RARB: variants seen among roughly 807,000 people sequenced by gnomAD.
The protein encoded by RARB is retinoic acid receptor beta.
Under a neutral mutation model 51.9 loss-of-function variants are expected in RARB, and 17 were observed. The ratio of observed to expected loss-of-function variants is 0.33; its 90% CI spans 0.22 to 0.49. The LOEUF (loss-of-function observed/expected upper bound fraction) is 0.49. RARB is among the 20% of genes least tolerant of loss of function. The pLI, the probability that RARB is intolerant of heterozygous loss-of-function variation, is 0.99. For synonymous variants in RARB, 215 were observed against 195.4 expected (o/e 1.10, Z -0.84); for missense variants, 369 against 550.8 (o/e 0.67, Z 3.30).
chr3:25,410,425 A>G (rs1350515801), intron 5 of RARB, among the ~76,000 whole-genome samples: 1 of 152,234 alleles, frequency 6.6e-6, no homozygotes, highest in East Asian at 1.9e-4. Context: ...TTTTTATCCT[A>G]GAATCACAAC....
chr3:25,405,823 T>G (rs1260275048), intron 5 of RARB, among the ~76,000 whole-genome samples: 1 of 152,134 alleles, frequency 6.6e-6, no homozygotes, highest in African/African-American at 2.4e-5. Context: ...AAGAAAGCAC[T>G]TCTGTTATCT....
chr3:25,383,037 A>G (rs980457292), intron 5 of RARB, among the ~76,000 whole-genome samples: 2 of 152,158 alleles, frequency 1.3e-5, no homozygotes, highest in Non-Finnish European at 2.9e-5. Context: ...TAACAATAGC[A>G]CCTAAGAGCA....
intron 2 of RARB, among the ~76,000 whole-genome samples, chr3:25,042,203 A>G (rs1412616980): frequency 6.6e-6 from 1 of 152,196 alleles, no homozygotes; most frequent in Non-Finnish European, 1.5e-5. Context: ...TGTAAACCGT[A>G]GCTATTTTTA....
At chr3:25,161,467 C>T (rs1477266755) in intron 4 of RARB, among the ~76,000 whole-genome samples, 8 of 152,140 alleles carry the variant, frequency 5.3e-5, no homozygotes, top group Admixed American at 5.2e-4. Context: ...TCTACCATTG[C>T]TGGCTCTGTT....
intron 5 of RARB, among the ~76,000 whole-genome samples, chr3:25,184,119 C>G (rs1236709983): frequency 6.7e-6 from 1 of 149,174 alleles, no homozygotes; most frequent in Non-Finnish European, 1.5e-5. Flanking sequence ...TGAAAATCTA[C>G]AAATACAGAG....
At chr3:25,198,276 A>G (rs1447857120) in intron 5 of RARB, among the ~76,000 whole-genome samples, 2 of 152,064 alleles carry the variant, frequency 1.3e-5, no homozygotes, top group African/African-American at 4.8e-5. Flanking sequence ...ATGATATCAA[A>G]CTGGATTAAA....
At chr3:24,978,456 T>C (rs192961264) in intron 2 of RARB, among the ~76,000 whole-genome samples, 298 of 152,318 alleles carry the variant, frequency 2.0e-3, no homozygotes, top group Non-Finnish European at 3.0e-3. Flanking sequence ...TATTCACAGA[T>C]TCTACTTCTT....
At chr3:25,068,566 T>A (rs1429760585) in intron 3 of RARB, among the ~76,000 whole-genome samples, 1 of 152,196 alleles carries the variant, frequency 6.6e-6, no homozygotes, top group Non-Finnish European at 1.5e-5. Flanking sequence ...AAGAAAAAAT[T>A]AACGGAAGTT....
chr3:24,942,775 T>C (rs1240816392), intron 2 of RARB, among the ~76,000 whole-genome samples: 1 of 152,120 alleles, frequency 6.6e-6, no homozygotes, highest in African/African-American at 2.4e-5. Context: ...GAGAAAGAAC[T>C]CCCCTAAACC....
intron 1 of RARB, among the ~76,000 whole-genome samples, chr3:24,853,063 C>A (rs1702581906): frequency 6.6e-6 from 1 of 151,942 alleles, no homozygotes; most frequent in Non-Finnish European, 1.5e-5. Context: ...GCCTGTAATC[C>A]CAGCACTTTG....
At chr3:24,845,726 T>C (rs1041215833) in intron 1 of RARB, among the ~76,000 whole-genome samples, 2 of 151,920 alleles carry the variant, frequency 1.3e-5, no homozygotes, top group Non-Finnish European at 2.9e-5. Context: ...CCTCCCCCAC[T>C]TGAGAGTCAG....
chr3:24,863,815 C>T lies in RARB; in HGVS notation c.-380+5063C>T, dbSNP rs553219548. On this transcript the variant is annotated intron_variant, in intron 2 of 11. Coordinates refer to the RARB transcript ENST00000383772. ...TAACCTCCTACTTCACTGATAAAATCGAGATTATGAAAATAAGCTGAACTT... is the reference window on the plus strand; with the variant it reads ...TAACCTCCTACTTCACTGATAAAATTGAGATTATGAAAATAAGCTGAACTT... Among the ~76,000 whole-genome samples the T allele has an allele frequency of 4.6e-5, 7 of 151,842 alleles. No individual in the cohort carries two copies. In the South Asian group the frequency reaches 6.2e-4, roughly 14 times the overall value.
Position 25,333,209 on chromosome 3 carries a change from G to C in RARB, c.179-127984G>C, listed in dbSNP as rs533832680. Among the ~76,000 whole-genome samples the C allele has an allele frequency of 2.8e-3, 431 of 152,018 alleles. 1 individual carries two copies. Among genetic ancestry groups the C allele is most frequent in the Middle Eastern group, 6.8e-3 (2 of 294 alleles). ...TTCATATGGAACCAAAAAAGAGCCC[G>C]CATTGCCAAGTCAATCCTAAGCCAA... On this transcript the variant is annotated intron_variant, in intron 5 of 11. Coordinates refer to the RARB transcript ENST00000383772.
chr3:25,257,263 G>T (rs1243484176), intron 5 of RARB, among the ~76,000 whole-genome samples: 1 of 152,012 alleles, frequency 6.6e-6, no homozygotes, highest in Non-Finnish European at 1.5e-5. Flanking sequence ...CTCCATTCCG[G>T]GTACCACATC....
At chr3:25,322,340 A>T (rs944696470) in intron 5 of RARB, among the ~76,000 whole-genome samples, 2 of 152,218 alleles carry the variant, frequency 1.3e-5, no homozygotes, top group Admixed American at 1.3e-4. Context: ...TCTAAAAGAA[A>T]TATGGGTCTA....
intron 2 of RARB, among the ~76,000 whole-genome samples, chr3:24,969,625 A>G (rs2125416618): frequency 6.6e-6 from 1 of 152,246 alleles, no homozygotes; most frequent in South Asian, 2.1e-4. Context: ...TTCTCAATAC[A>G]TCAAATTGCC....
chr3:25,512,342 C>T (rs1182613821), intron 3 of RARB, among the ~76,000 whole-genome samples: 1 of 152,212 alleles, frequency 6.6e-6, no homozygotes, highest in Non-Finnish European at 1.5e-5. Flanking sequence ...AATCTACCCC[C>T]ACAAAGCAAG....
At chr3:24,899,604 A>G (rs939768989) in intron 2 of RARB, among the ~76,000 whole-genome samples, 7 of 152,208 alleles carry the variant, frequency 4.6e-5, no homozygotes, top group South Asian at 2.1e-4. Context: ...GCTGTGGCCA[A>G]GGATAAATTC....
chr3:24,849,309 A>G (rs551987955), intron 1 of RARB, among the ~76,000 whole-genome samples: 5 of 152,334 alleles, frequency 3.3e-5, no homozygotes, highest in African/African-American at 1.2e-4. Context: ...GGGAAACTGC[A>G]GATAAGGGGG....
Sources: allele counts gnomAD v4.1 joint callset (sites outside exome capture counted in the v4.1 genomes callset), GRCh38; gene constraint gnomAD v4.1.1; transcripts MANE v1.5; gene names NCBI Gene and HGNC (gene_info 2026-07-23, HGNC 2026-07-21).